Variants in CERKL observed in about 807,000 individuals in gnomAD.
The protein encoded by CERKL is ceramide kinase-like protein.
CERKL carries 61 observed loss-of-function variants against 63.4 expected under a neutral mutation model. That is an observed-to-expected ratio of 0.96 (90% confidence interval 0.78 to 1.19). The LOEUF (loss-of-function observed/expected upper bound fraction) is 1.19, where lower values mean the gene tolerates loss of function less well. Ranked by LOEUF, CERKL falls within the 50% of genes most tolerant of loss-of-function variation. The probability of loss-of-function intolerance (pLI) is 0.00; values close to 1 mark genes in which losing one functional copy is unlikely to be tolerated. For synonymous variants in CERKL, 250 were observed against 230.5 expected, an observed-to-expected ratio of 1.08 and a Z score of -0.77; for missense variants, 675 against 655.5, an observed-to-expected ratio of 1.03 and a Z score of -0.33.
intron 2 of CERKL, among the ~76,000 whole-genome samples, chr2:181,589,213 CCAA>C (rs1221972418): frequency 1.3e-5 from 2 of 152,094 alleles, no homozygotes; most frequent in East Asian, 3.9e-4. Context: ...ACTGTGGCTC[CCAA>C]CAACAAGGCA....
At chr2:181,629,004 A>G (rs1686832921) in intron 1 of CERKL, among the ~76,000 whole-genome samples, 1 of 152,218 alleles carries the variant, frequency 6.6e-6, no homozygotes, top group Non-Finnish European at 1.5e-5. Context: ...AATACTCAGA[A>G]GATTTTTCAA....
At position 181,656,842 on chromosome 2, in the gene CERKL, C is replaced by A; in HGVS notation, c.165G>T (p.Gly55=). Residue 55 remains glycine, a synonymous_variant, in exon 1 of 13, where the codon GGG becomes GGT. Transcript: ENST00000410087. ...TCAGCACCACGTCACAACTGTCCCT[C>A]CCGATCTCGAAGATGCCCCGGAGCA... is the stretch of plus-strand genomic sequence containing the variant. ...RILLRGIFEI[G]RDSCDVVLSE... 1 of 1,605,014 alleles carries A rather than the reference C, an allele frequency of 6.2e-7. No individual in the cohort carries two copies. The highest frequency in any genetic ancestry group is 2.2e-5 in the East Asian group (1 of 44,448).
chr2:181,598,284 A>G lies in CERKL; in HGVS notation c.481+5553T>C, dbSNP rs2105886386. On this transcript the variant is annotated intron_variant, in intron 2 of 12. Transcript: ENST00000410087. The stretch of plus-strand genomic sequence containing the variant: ...GACTGGGGGAAGAGGCTCTGCCCCA[A>G]GACCATTTTGGTGGTTGCCTTCAGA... Among the ~76,000 whole-genome samples, 2 of 152,308 alleles carry G rather than the reference A, an allele frequency of 1.3e-5. 1 individual carries two copies. The highest frequency in any genetic ancestry group is 6.8e-3 in the Middle Eastern group (2 of 294).
At chr2:181,619,548 G>T (rs562537956) in intron 1 of CERKL, among the ~76,000 whole-genome samples, 4 of 152,042 alleles carry the variant, frequency 2.6e-5, no homozygotes, top group Non-Finnish European at 5.9e-5. Context: ...TTCAAACACA[G>T]GCTAGGCTTC....
intron 1 of CERKL, among the ~76,000 whole-genome samples, chr2:181,612,187 T>C (rs187328149): frequency 2.4e-4 from 36 of 152,338 alleles, no homozygotes; most frequent in East Asian, 5.8e-4. Context: ...TTTGGATGAT[T>C]TTTACTACAA....
intron 3 of CERKL, among the ~76,000 whole-genome samples, chr2:181,570,529 G>C (rs995577190): frequency 1.3e-5 from 2 of 152,110 alleles, no homozygotes; most frequent in African/African-American, 4.8e-5. Context: ...ATTTGTGTAC[G>C]AATAGGTAAT....
At chr2:181,552,250 C>T (rs1012203443) in intron 5 of CERKL, among the ~76,000 whole-genome samples, 5 of 152,058 alleles carry the variant, frequency 3.3e-5, no homozygotes, top group African/African-American at 1.2e-4. Flanking sequence ...ACAGTTGATA[C>T]GGTTAGGCTT....
chr2:181,555,998 T>C (rs187137329), intron 5 of CERKL, among the ~76,000 whole-genome samples: 71 of 151,998 alleles, frequency 4.7e-4, no homozygotes, highest in African/African-American at 1.6e-3. Context: ...GGTGATCCAC[T>C]ACCTCGGCCT....
chr2:181,557,334 G>C (rs1688255858), intron 5 of CERKL, among the ~76,000 whole-genome samples: 1 of 152,114 alleles, frequency 6.6e-6, no homozygotes, highest in African/African-American at 2.4e-5. Flanking sequence ...GTCCTGAATG[G>C]TATTGCCTAG....
rs1387190963 is a variant in CERKL, at chr2:181,558,449, A to G, written c.820+117T>C. ...TCACATTTGCTAGTGGGGATGCCAG[A>G]AGTCTGGATCTTTCAAAGTCTGTTC... On this transcript the variant is annotated intron_variant, in intron 5 of 12. Coordinates refer to ENST00000410087, the MANE Select transcript of CERKL (RefSeq NM_201548.5). The surrounding 1 kb of genome is among the most constrained non-coding windows in gnomAD (Gnocchi z 4.2). 12 of 1,129,524 alleles carry G rather than the reference A, an allele frequency of 1.1e-5. No homozygotes were observed. Among genetic ancestry groups the G allele is most frequent in the Non-Finnish European group, 1.5e-5 (11 of 754,404 alleles). The allele number at this position is 1,129,524 out of a possible 1,614,324, so 70.0% of individuals were successfully genotyped here.
chr2:181,552,847 T>C (rs2105810552), intron 5 of CERKL, among the ~76,000 whole-genome samples: 1 of 149,782 alleles, frequency 6.7e-6, no homozygotes, highest in South Asian at 2.1e-4. Context: ...AAAACAGTAA[T>C]AGCAGTATTA....
At chr2:181,607,634 C>T (rs879276921) in intron 1 of CERKL, among the ~76,000 whole-genome samples, 1 of 152,178 alleles carries the variant, frequency 6.6e-6, no homozygotes, top group African/African-American at 2.4e-5. Flanking sequence ...CAGCATATTA[C>T]CAGTCATTTG....
rs1387892428 is a variant in CERKL at position 181,538,112 on chromosome 2, G to GGTTTAAAGCATGGCCACATTTCTTTAT, written c.*45_*71dup. ...GGTCCCAAAAAGGGTGGGGACCACA[G>GGTTTAAAGCATGGCCACATTTCTTTAT]GTTTAAAGCATGGCCACATTTCTTT... On this transcript the variant is annotated 3_prime_UTR_variant, in exon 13 of 13. Transcript: ENST00000410087. 8.5e-6 allele frequency: 9 copies of GGTTTAAAGCATGGCCACATTTCTTTAT among 1,061,548 alleles called. No individual in the cohort carries two copies. Among genetic ancestry groups the GGTTTAAAGCATGGCCACATTTCTTTAT allele is most frequent in the Middle Eastern group, 3.0e-4 (1 of 3,348 alleles). 65.8% of individuals were successfully genotyped at this position (1,061,548 alleles called of 1,614,324 possible). A position where few individuals can be genotyped will look rare whatever the true frequency, so the allele number is the denominator to read the frequency against.
chr2:181,557,928 T>C (rs1199245538), intron 5 of CERKL, among the ~76,000 whole-genome samples: 6 of 152,202 alleles, frequency 3.9e-5, no homozygotes, highest in Non-Finnish European at 7.3e-5. Flanking sequence ...CCAAGTGTCA[T>C]TTACTATATA....
At chr2:181,593,773 G>A (rs1460020629) in intron 2 of CERKL, among the ~76,000 whole-genome samples, 1 of 150,832 alleles carries the variant, frequency 6.6e-6, no homozygotes, top group African/African-American at 2.4e-5. Context: ...CTCCTTTCCA[G>A]TGTTGCGACA....
At chr2:181,572,952 A>G (rs1331693421) in intron 3 of CERKL, among the ~76,000 whole-genome samples, 3 of 152,074 alleles carry the variant, frequency 2.0e-5, no homozygotes, top group African/African-American at 4.8e-5. Flanking sequence ...GGAAGTTCCA[A>G]TTGCACTCTG....
chr2:181,647,130 G>A (rs1376261872), intron 1 of CERKL, among the ~76,000 whole-genome samples: 2 of 152,132 alleles, frequency 1.3e-5, no homozygotes, highest in Non-Finnish European at 1.5e-5. Flanking sequence ...CTGAAGAGAT[G>A]GGATGGGTTT....
intron 1 of CERKL, among the ~76,000 whole-genome samples, chr2:181,652,844 G>A (rs544851493): frequency 4.0e-5 from 6 of 151,414 alleles, no homozygotes; most frequent in Admixed American, 1.3e-4. Context: ...GCACTATCTC[G>A]GCTCACTGCA....
At chr2:181,625,266 G>T (rs1001644917) in intron 1 of CERKL, among the ~76,000 whole-genome samples, 3 of 151,994 alleles carry the variant, frequency 2.0e-5, no homozygotes, top group Non-Finnish European at 2.9e-5. Context: ...GTAAGCTGTA[G>T]AGTGACAGGG....
Sources: allele counts gnomAD v4.1 joint callset (sites outside exome capture counted in the v4.1 genomes callset), GRCh38; gene constraint gnomAD v4.1.1; non-coding constraint Gnocchi (gnomAD v3.1); transcripts MANE v1.5; gene names NCBI Gene and HGNC (gene_info 2026-07-23, HGNC 2026-07-21).